Variants in PRLR observed in about 807,000 individuals in gnomAD.
PRLR encodes hPRL receptor.
PRLR carries 13 observed loss-of-function variants against 40.2 expected under a neutral mutation model. The observed-to-expected ratio is 0.32, with a 90% CI of 0.21 to 0.51. The LOEUF (loss-of-function observed/expected upper bound fraction) is 0.51. Among genes scored for constraint, PRLR ranks in the 20% least tolerant of loss-of-function variants. The pLI is 0.97. For missense variants in PRLR, 656 were observed against 747.3 expected, an observed-to-expected ratio of 0.88 and a Z score of 1.42; for synonymous variants, 269 against 278.7, an observed-to-expected ratio of 0.97 and a Z score of 0.35.
At chr5:35,081,622 T>C (rs1275195343) in intron 5 of PRLR, 1 of 152,968 alleles carries the variant, frequency 6.5e-6, no homozygotes, top group Non-Finnish European at 1.5e-5. Flanking sequence ...GAATCTCATA[T>C]ACACTTGATT....
chr5:35,102,464 C>T (rs1204720692), intron 2 of PRLR, among the ~76,000 whole-genome samples: 1 of 150,220 alleles, frequency 6.7e-6, no homozygotes, highest in East Asian at 2.0e-4. Flanking sequence ...CTTTCCTGTC[C>T]CATCCCGTCC....
At chr5:35,141,236 G>GAAAA (rs368097359) in intron 1 of PRLR, among the ~76,000 whole-genome samples, 256 of 141,300 alleles carry the variant, frequency 1.8e-3, no homozygotes, top group East Asian at 3.9e-3. Flanking sequence ...CTTAATACCT[G>GAAAA]AAAAAAAAAA....
chr5:35,155,483 T>C (rs1247389047), intron 1 of PRLR, among the ~76,000 whole-genome samples: 1 of 152,098 alleles, frequency 6.6e-6, no homozygotes, highest in Non-Finnish European at 1.5e-5. Flanking sequence ...CCATCGACTA[T>C]TGGGAGCAAG....
chr5:35,070,839 C>T (rs1278121441), intron 6 of PRLR, among the ~76,000 whole-genome samples: 37 of 84,142 alleles, frequency 4.4e-4, no homozygotes, highest in South Asian at 4.1e-4. Context: ...GAAACTCCGT[C>T]TCAAAAAAAA....
intron 8 of PRLR, 33 bp from the exon 9 acceptor site, chr5:35,068,318 C>T (rs1561263932): frequency 3.2e-6 from 5 of 1,570,246 alleles, no homozygotes; most frequent in African/African-American, 1.4e-5. Flanking sequence ...GGCTAAATGA[C>T]TCATTTCTGA....
Position 35,084,619 on chromosome 5 carries a change from C to G in PRLR, c.224G>C (p.Cys75Ser). The G allele has an allele frequency of 6.2e-7, 1 of 1,610,598 alleles. No individual in the cohort carries two copies. Among genetic ancestry groups the G allele is most frequent in the South Asian group, 1.1e-5 (1 of 90,136 alleles). ...HREGETLMHE[C>S]PDYITGGPNS... ...GGGGCCACCGGTTATGTAGTCTGGACATTCATGCATGAGTGTCTCTCTGCA... is the reference window on the plus strand; with the variant it reads ...GGGGCCACCGGTTATGTAGTCTGGAGATTCATGCATGAGTGTCTCTCTGCA... Residue 75 changes from cysteine to serine, a missense_variant, in exon 5 of 10, where the codon TGT (cysteine) becomes TCT (serine). Cys to Ser is a moderately radical substitution (Grantham distance 112). Transcript: ENST00000618457.
intron 2 of PRLR, among the ~76,000 whole-genome samples, chr5:35,107,449 G>C (rs1277322869): frequency 6.6e-6 from 1 of 151,910 alleles, no homozygotes; most frequent in African/African-American, 2.4e-5. Flanking sequence ...CTGGTTTTCT[G>C]AAAAGATCAA....
intron 5 of PRLR, among the ~76,000 whole-genome samples, chr5:35,079,679 T>G (rs1334589590): frequency 2.0e-5 from 3 of 152,110 alleles, no homozygotes; most frequent in South Asian, 4.1e-4. Flanking sequence ...CTTCACAGAA[T>G]TGGAAAAAAC....
chr5:35,171,701 T>C (rs951655723), intron 1 of PRLR, among the ~76,000 whole-genome samples: 57 of 152,206 alleles, frequency 3.7e-4, no homozygotes, highest in African/African-American at 1.3e-3. Flanking sequence ...AGGAAGTATT[T>C]GGATAAATTG....
chr5:35,152,981 G>A (rs1174112939), intron 1 of PRLR: 1 of 152,218 alleles, frequency 6.6e-6, no homozygotes, highest in Non-Finnish European at 1.5e-5. Flanking sequence ...GACCTGGAAT[G>A]AAATTGCAGT....
intron 1 of PRLR, among the ~76,000 whole-genome samples, chr5:35,187,554 T>A (rs748443192): frequency 6.6e-6 from 1 of 152,188 alleles, no homozygotes; most frequent in Non-Finnish European, 1.5e-5. Context: ...CATTTAGCTC[T>A]ATGGCTGGGT....
rs200007293 is a variant in PRLR at position 35,068,745 on chromosome 5, G to A, written c.785+34C>T. The A allele has an allele frequency of 2.7e-5, 38 of 1,432,366 alleles. No individual in the cohort carries two copies. In the East Asian group the frequency reaches 7.3e-4, roughly 27 times the overall value. The allele number at this position is 1,432,366 out of a possible 1,614,324, so 88.7% of individuals were successfully genotyped here. ...TTTTGTCATTATCCTTGACTATCAT[G>A]ATTGGGAGGAAAAGTTGAGAGACAG... is the stretch of plus-strand genomic sequence containing the variant. On this transcript the variant is annotated intron_variant, in intron 8 of 9. Coordinates refer to ENST00000618457, the MANE Select transcript of PRLR (RefSeq NM_000949.7).
At chr5:35,107,045 T>A (rs1341192589) in intron 2 of PRLR, among the ~76,000 whole-genome samples, 2 of 152,156 alleles carry the variant, frequency 1.3e-5, no homozygotes, top group Admixed American at 1.3e-4. Flanking sequence ...CACAGTGCAA[T>A]CAAATTAGAA....
At chr5:35,075,496 G>A (rs1300874324) in intron 5 of PRLR, among the ~76,000 whole-genome samples, 1 of 152,230 alleles carries the variant, frequency 6.6e-6, no homozygotes, top group African/African-American at 2.4e-5. Flanking sequence ...GGGGAGGGGT[G>A]TCTGCCATTC....
At chr5:35,167,385 C>G (rs1360348297) in intron 1 of PRLR, among the ~76,000 whole-genome samples, 19 of 151,896 alleles carry the variant, frequency 1.3e-4, no homozygotes, top group Admixed American at 1.2e-3. Flanking sequence ...CTAGGGGCTG[C>G]CAATATGACT....
At chr5:35,104,594 G>A (rs1007468212) in intron 2 of PRLR, among the ~76,000 whole-genome samples, 1 of 152,150 alleles carries the variant, frequency 6.6e-6, no homozygotes, top group African/African-American at 2.4e-5. Flanking sequence ...GACTCGGAGG[G>A]TCCTATGCCC....
At position 35,057,093 on chromosome 5, in the gene PRLR, A is replaced by G. The variant is rs1286322502; in HGVS notation, c.*7996T>C. 6.6e-6 allele frequency: 1 copy of G among 152,200 alleles called. No individual in the cohort carries two copies. The highest frequency in any genetic ancestry group is 1.5e-5 in the Non-Finnish European group (1 of 68,034). The allele number at this position is 152,200 out of a possible 1,614,324, so 9.4% of individuals were successfully genotyped here. ...GTTCAAAAGGATTCCCCACTTAAAAAAATGCTTTGGTTCTTCCTTTATTTC... is the reference window on the plus strand; with the variant it reads ...GTTCAAAAGGATTCCCCACTTAAAAGAATGCTTTGGTTCTTCCTTTATTTC... On this transcript the variant is annotated 3_prime_UTR_variant, in exon 10 of 10. Transcript: ENST00000618457.
intron 2 of PRLR, among the ~76,000 whole-genome samples, chr5:35,105,412 G>A (rs1329087154): frequency 6.6e-6 from 1 of 152,076 alleles, no homozygotes; most frequent in Non-Finnish European, 1.5e-5. Flanking sequence ...CAGATGATTG[G>A]CAATAACAAA....
chr5:35,162,309 T>G (rs1331697819), intron 1 of PRLR, among the ~76,000 whole-genome samples: 1 of 152,212 alleles, frequency 6.6e-6, no homozygotes, highest in African/African-American at 2.4e-5. Context: ...ATATTTTATA[T>G]TCAAGATTGG....
Sources: allele counts gnomAD v4.1 joint callset (sites outside exome capture counted in the v4.1 genomes callset), GRCh38; gene constraint gnomAD v4.1.1; transcripts MANE v1.5; gene names NCBI Gene and HGNC (gene_info 2026-07-23, HGNC 2026-07-21).